Variants in ADRA1A observed in about 807,000 individuals in gnomAD.
ADRA1A encodes adrenoceptor alpha 1A.
In ADRA1A, 31 loss-of-function variants were observed where a neutral mutation model predicts 29.6. The observed-to-expected ratio is 1.05, with a 90% CI of 0.79 to 1.41. The LOEUF (loss-of-function observed/expected upper bound fraction) is 1.41, where lower values mean the gene tolerates loss of function less well. Ranked by LOEUF, ADRA1A falls within the 40% of genes most tolerant of loss-of-function variation. The pLI, the probability that ADRA1A is intolerant of heterozygous loss-of-function variation, is 0.00. For missense variants in ADRA1A, 619 were observed against 601.1 expected (o/e 1.03, Z -0.31); for synonymous variants, 311 against 254.3 (o/e 1.22, Z -2.12).
chr8:26,836,082 A>G, intron 2 of ADRA1A: 1 of 172,064 alleles, frequency 5.8e-6, no homozygotes, highest in South Asian at 1.6e-4. Context: ...TCATTCACAC[A>G]TAGAGACATC....
intron 2 of ADRA1A, among the ~76,000 whole-genome samples, chr8:26,833,864 A>T (rs904711447): frequency 3.9e-5 from 6 of 152,238 alleles, no homozygotes; most frequent in African/African-American, 1.2e-4. Context: ...TTTCAATAGG[A>T]TATCTTCATG....
rs114228030 is a variant in ADRA1A, at chr8:26,818,710, G to A, written c.883+45377C>T. ...TACCTCTGGAAATGAGGTACAGAGCGTCAACAGCAGACTTGATCAAGGAGA... is the reference window on the plus strand; with the variant it reads ...TACCTCTGGAAATGAGGTACAGAGCATCAACAGCAGACTTGATCAAGGAGA... On this transcript the variant is annotated intron_variant, in intron 2 of 2. Transcript: ENST00000380573. 2.9e-3 allele frequency among the ~76,000 whole-genome samples: 442 copies of A among 152,084 alleles called. 1 individual carries two copies. Among genetic ancestry groups the A allele is most frequent in the African/African-American group, 0.01 (426 of 41,500 alleles).
chr8:26,784,023 T>TG (rs1807191246), intron 2 of ADRA1A, among the ~76,000 whole-genome samples: 1 of 151,560 alleles, frequency 6.6e-6, no homozygotes, highest in African/African-American at 2.4e-5. Context: ...GGGGCCTGTT[T>TG]GGGGGGTGTG....
Position 26,825,077 on chromosome 8 carries a change from G to A in ADRA1A, c.883+39010C>T, listed in dbSNP as rs938540340. Among the ~76,000 whole-genome samples, 3 of 152,162 alleles carry A rather than the reference G, an allele frequency of 2.0e-5. No individual in the cohort carries two copies. Among genetic ancestry groups the A allele is most frequent in the African/African-American group, 4.8e-5 (2 of 41,440 alleles). On this transcript the variant is annotated intron_variant, in intron 2 of 2. Coordinates refer to ENST00000380573, the MANE Select transcript of ADRA1A (RefSeq NM_000680.4). The surrounding 1 kb of genome is among the most constrained non-coding windows in gnomAD (Gnocchi z 5.7). ...AACATGCCAGCTTCCTTCTGACAGCGTTTGGTTGTTCAGAATTCAAGCATG... is the reference window on the plus strand; with the variant it reads ...AACATGCCAGCTTCCTTCTGACAGCATTTGGTTGTTCAGAATTCAAGCATG...
At chr8:26,788,084 T>C (rs114880510) in intron 2 of ADRA1A, among the ~76,000 whole-genome samples, 2 of 152,160 alleles carry the variant, frequency 1.3e-5, no homozygotes, top group Non-Finnish European at 2.9e-5. Flanking sequence ...GAATTTCTCT[T>C]ATTCAGAGTG....
chr8:26,864,695 C>T lies in ADRA1A; in HGVS notation c.275G>A (p.Trp92Ter), dbSNP rs1301029687. The T allele has an allele frequency of 3.7e-6, 6 of 1,614,044 alleles. No individual in the cohort carries two copies. Among genetic ancestry groups the T allele is most frequent in the Non-Finnish European group, 5.1e-6 (6 of 1,180,030 alleles). Residue 92 changes from tryptophan (W) to a stop codon, truncating the protein, a stop_gained, in exon 2 of 3, where the codon TGG becomes TAG. Coordinates refer to ENST00000380573, the MANE Select transcript of ADRA1A (RefSeq NM_000680.4). LOFTEE classifies it high-confidence loss of function. This position sits in a 1 kb window ranked among gnomAD's most constrained non-coding sequence, Gnocchi z 8.1. ...GTTGCAGAAGACCCTGCCGAAGGCC[C>T]AGTAGCCTAGGACCTCGAAGATGGC... ...FSAIFEVLGY[W>*]AFGRVFCNIW...
chr8:26,770,050 G>A lies in ADRA1A; in HGVS notation c.*99C>T. The stretch of plus-strand genomic sequence containing the variant: ...CCCATTCCCAGCAGGTCCCCTCTTT[G>A]ATTGGTCCTGTCTTGTCCTCCAAGA... On this transcript the variant is annotated 3_prime_UTR_variant, in exon 3 of 3. Transcript: ENST00000380573. 6.7e-7 allele frequency: 1 copy of A among 1,486,768 alleles called. No individual in the cohort carries two copies. The highest frequency in any genetic ancestry group is 8.9e-7 in the Non-Finnish European group (1 of 1,119,664). 92.1% of individuals were successfully genotyped at this position (1,486,768 alleles called of 1,614,324 possible). A position where few individuals can be genotyped will look rare whatever the true frequency, so the allele number is the denominator to read the frequency against.
At chr8:26,802,272 T>C (rs1808639347) in intron 2 of ADRA1A, among the ~76,000 whole-genome samples, 1 of 152,132 alleles carries the variant, frequency 6.6e-6, no homozygotes, top group African/African-American at 2.4e-5. Flanking sequence ...GGAAACAATC[T>C]ACAAAGTGAA....
chr8:26,834,532 T>C (rs1372830508), intron 2 of ADRA1A, among the ~76,000 whole-genome samples: 4 of 152,236 alleles, frequency 2.6e-5, no homozygotes, highest in Non-Finnish European at 4.4e-5. Context: ...TTTCTGATGT[T>C]TCCAGACATG....
At position 26,769,556 on chromosome 8, in the gene ADRA1A, G is replaced by A. The variant is rs61760508; in HGVS notation, c.*593C>T. 13 of 985,366 alleles carry A rather than the reference G, an allele frequency of 1.3e-5. No homozygotes were observed. The highest frequency in any genetic ancestry group is 1.6e-5 in the Non-Finnish European group (13 of 830,010). 61.0% of individuals were successfully genotyped at this position (985,366 alleles called of 1,614,324 possible). On this transcript the variant is annotated 3_prime_UTR_variant, in exon 3 of 3. Transcript: ENST00000380573. Reference sequence around the variant, plus strand: ...ATGAGGAGCAGCATCCATTCAAAGTGCAGTCAAAGGTAAACCTCACTGCCA... The same window carrying A: ...ATGAGGAGCAGCATCCATTCAAAGTACAGTCAAAGGTAAACCTCACTGCCA...
At chr8:26,802,644 C>T (rs569849956) in intron 2 of ADRA1A, among the ~76,000 whole-genome samples, 1 of 152,242 alleles carries the variant, frequency 6.6e-6, no homozygotes, top group South Asian at 2.1e-4. Flanking sequence ...TTACTACAGC[C>T]ACTATGGAGA....
At chr8:26,758,768 ACAGGAGAACAC>A (rs1407220257) in intron 2 of ADRA1A, among the ~76,000 whole-genome samples, 2 of 152,216 alleles carry the variant, frequency 1.3e-5, no homozygotes, top group South Asian at 2.1e-4. Context: ...AGAGGTGAGC[ACAGGAGAACAC>A]CAGGAGAACA....
Position 26,787,651 on chromosome 8 carries a change from T to C in ADRA1A, c.884-16985A>G, listed in dbSNP as rs754265397. ...CTCGTGTGCTGCATAAAAATATCAA[T>C]GCCTGACACAGACTTCTTAGTTCTT... On this transcript the variant is annotated intron_variant, in intron 2 of 2. Coordinates refer to ENST00000380573, the MANE Select transcript of ADRA1A (RefSeq NM_000680.4). This position sits in a 1 kb window ranked among gnomAD's most constrained non-coding sequence, Gnocchi z 4.2. Among the ~76,000 whole-genome samples the C allele has an allele frequency of 6.6e-6, 1 of 151,800 alleles. No individual in the cohort carries two copies. The highest frequency in any genetic ancestry group is 6.6e-5 in the Admixed American group (1 of 15,182).
intron 2 of ADRA1A, among the ~76,000 whole-genome samples, chr8:26,811,743 C>T (rs947217832): frequency 6.6e-5 from 10 of 152,202 alleles, no homozygotes; most frequent in Non-Finnish European, 1.3e-4. Flanking sequence ...CATGCTCCCT[C>T]CCTATAAAGG....
intron 2 of ADRA1A, among the ~76,000 whole-genome samples, chr8:26,838,949 A>T (rs1249147174): frequency 6.6e-6 from 1 of 152,178 alleles, no homozygotes; most frequent in Non-Finnish European, 1.5e-5. Flanking sequence ...CCATGTGACT[A>T]GCTCTATCCT....
At chr8:26,756,487 G>T in exon 3 of ADRA1A, 1 of 1,494,282 alleles carries the variant, frequency 6.7e-7, no homozygotes, top group South Asian at 1.2e-5. Flanking sequence ...ACAAAAAATC[G>T]AGCTATTTGT....
At chr8:26,772,001 T>G (rs562533704) in intron 2 of ADRA1A, 4 of 153,392 alleles carry the variant, frequency 2.6e-5, no homozygotes, top group Admixed American at 6.5e-5. Flanking sequence ...GAAGACCTGC[T>G]CAGCAGCTGG....
intron 2 of ADRA1A, among the ~76,000 whole-genome samples, chr8:26,846,777 G>A (rs376289510): frequency 9.2e-5 from 14 of 152,076 alleles, no homozygotes; most frequent in African/African-American, 1.7e-4. Flanking sequence ...CTCAAAAAAC[G>A]AAACAAAAAT....
At chr8:26,779,131 A>G in intron 2 of ADRA1A, 1 of 556,894 alleles carries the variant, frequency 1.8e-6, no homozygotes. Context: ...CTCATCCTCC[A>G]GAGCACAGAT....
Sources: gnomAD v4.1 joint callset for allele counts (sites outside exome capture counted in the v4.1 genomes callset) on GRCh38, gnomAD v4.1.1 for gene constraint, Gnocchi (gnomAD v3.1) non-coding constraint, MANE v1.5 for transcripts, NCBI Gene and HGNC (gene_info 2026-07-23, HGNC 2026-07-21) for gene names.